Variants in SBF2 observed in about 807,000 individuals in gnomAD.
SBF2 encodes the protein myotubularin-related protein 13.
In SBF2, 112 loss-of-function variants were observed where a neutral mutation model predicts 225.2. The observed-to-expected ratio is 0.50, with a 90% CI of 0.43 to 0.58. The LOEUF is 0.58. Among genes scored for constraint, SBF2 ranks in the 20% least tolerant of loss-of-function variants. The pLI is 0.00. For synonymous variants in SBF2, 763 were observed against 773.3 expected, an observed-to-expected ratio of 0.99 and a Z score of 0.22; for missense variants, 1,996 against 2,206.2, an observed-to-expected ratio of 0.90 and a Z score of 1.91.
At chr11:10,165,251 G>A (rs540806035) in intron 2 of SBF2, 12 of 152,298 alleles carry the variant, frequency 7.9e-5, no homozygotes, top group South Asian at 6.2e-4. Flanking sequence ...GATCCAAAGC[G>A]CTAAGGTGAT....
chr11:9,989,208 T>C (rs916124073), intron 13 of SBF2, among the ~76,000 whole-genome samples: 5 of 152,054 alleles, frequency 3.3e-5, no homozygotes, highest in African/African-American at 1.2e-4. Context: ...AAACCAAACA[T>C]TGTATGTTCT....
chr11:10,102,545 G>T (rs1440446354), intron 2 of SBF2, among the ~76,000 whole-genome samples: 9 of 152,172 alleles, frequency 5.9e-5, no homozygotes, highest in Admixed American at 5.9e-4. Context: ...ATGTAATTTT[G>T]TGTAGTTCAG....
At chr11:9,907,758 G>A (rs12419564) in intron 16 of SBF2, among the ~76,000 whole-genome samples, 31,288 of 152,176 alleles carry the variant, frequency 0.21, 4,127 homozygotes, top group Non-Finnish European at 0.3. Flanking sequence ...CTGGCATATG[G>A]TAATAATTAG....
intron 2 of SBF2, among the ~76,000 whole-genome samples, chr11:10,126,123 C>A (rs564396475): frequency 6.6e-6 from 1 of 152,094 alleles, no homozygotes; most frequent in Admixed American, 6.5e-5. Flanking sequence ...CATTCTGATA[C>A]TTTATATTTT....
At chr11:9,824,328 G>A (rs933945006) in intron 28 of SBF2, among the ~76,000 whole-genome samples, 2 of 152,134 alleles carry the variant, frequency 1.3e-5, no homozygotes, top group African/African-American at 4.8e-5. Context: ...GGAGGCTGAG[G>A]TGGGTGAATC....
intron 6 of SBF2, among the ~76,000 whole-genome samples, chr11:10,004,550 C>T (rs1157216162): frequency 1.5e-5 from 2 of 135,934 alleles, no homozygotes; most frequent in Non-Finnish European, 3.1e-5. Context: ...CCATTTTATT[C>T]CTAAGTAAGA....
chr11:9,896,899 G>T (rs1368554579), intron 16 of SBF2, among the ~76,000 whole-genome samples: 1 of 152,100 alleles, frequency 6.6e-6, no homozygotes, highest in Non-Finnish European at 1.5e-5. Context: ...GAAAGGTCAG[G>T]AAATCTCAGT....
At chr11:10,074,894 ACCCT>A (rs1446760798) in intron 2 of SBF2, among the ~76,000 whole-genome samples, 1 of 152,208 alleles carries the variant, frequency 6.6e-6, no homozygotes, top group Non-Finnish European at 1.5e-5. Context: ...GATTCATTTT[ACCCT>A]CTGTATGTCT....
At chr11:10,012,949 G>C (rs1948513607) in intron 6 of SBF2, among the ~76,000 whole-genome samples, 1 of 152,068 alleles carries the variant, frequency 6.6e-6, no homozygotes. Context: ...TCCATAATTT[G>C]GGCAGAGGTT....
At chr11:10,261,909 A>G (rs1326989655) in intron 1 of SBF2, among the ~76,000 whole-genome samples, 2 of 152,200 alleles carry the variant, frequency 1.3e-5, no homozygotes, top group African/African-American at 4.8e-5. Flanking sequence ...GATGTTCTAG[A>G]ATAGGAAAAA....
At chr11:10,244,444 T>A (rs1289750508) in intron 1 of SBF2, among the ~76,000 whole-genome samples, 1 of 152,262 alleles carries the variant, frequency 6.6e-6, no homozygotes, top group African/African-American at 2.4e-5. Flanking sequence ...GATTTGTTTC[T>A]AGGTACTCTA....
rs185032442 is a variant in SBF2, at chr11:9,833,207, A to G, written c.3456-787T>C. Among the ~76,000 whole-genome samples, 4 of 152,358 alleles carry G rather than the reference A, an allele frequency of 2.6e-5. No individual in the cohort carries two copies. The East Asian group carries it at 7.7e-4, about 29-fold the overall frequency. On this transcript the variant is annotated intron_variant, in intron 26 of 39. Coordinates refer to ENST00000256190, the MANE Select transcript of SBF2 (RefSeq NM_030962.4). ...ATGAGTTTAAATAGTTAATAACACT[A>G]CATGTTGATACTTATTTTAAAAGAT...
At chr11:9,868,637 T>A (rs1858450993) in intron 17 of SBF2, among the ~76,000 whole-genome samples, 1 of 152,210 alleles carries the variant, frequency 6.6e-6, no homozygotes, top group South Asian at 2.1e-4. Flanking sequence ...CATATTACCA[T>A]TAGTTTGTAT....
chr11:9,921,416 C>T (rs1269341886), intron 16 of SBF2, among the ~76,000 whole-genome samples: 1 of 152,162 alleles, frequency 6.6e-6, no homozygotes, highest in East Asian at 1.9e-4. Flanking sequence ...CTAGTTTCTA[C>T]TTAATCAGAA....
intron 16 of SBF2, among the ~76,000 whole-genome samples, chr11:9,922,928 C>T (rs1863747020): frequency 6.6e-6 from 1 of 152,198 alleles, no homozygotes; most frequent in African/African-American, 2.4e-5. Context: ...AGACAACAGT[C>T]AATCTACAAC....
intron 14 of SBF2, among the ~76,000 whole-genome samples, chr11:9,965,518 C>A (rs1202015824): frequency 6.6e-6 from 1 of 152,076 alleles, no homozygotes; most frequent in African/African-American, 2.4e-5. Context: ...GAACTCCCGA[C>A]CTCAGGTGAT....
chr11:9,842,472 T>C lies in SBF2; in HGVS notation c.3256+153A>G, dbSNP rs181805779. 1.2e-3 allele frequency among the ~76,000 whole-genome samples: 185 copies of C among 152,318 alleles called. 1 individual carries two copies. Among genetic ancestry groups the C allele is most frequent in the African/African-American group, 4.2e-3 (173 of 41,578 alleles). On this transcript the variant is annotated intron_variant, in intron 25 of 39. Transcript: ENST00000256190. ...GAACAATGGGATATTGGGAAAATAT[T>C]TTTCCCCCAGTTCTAAGAAGCTGGT...
chr11:10,238,199 A>G (rs1016295857), intron 1 of SBF2, among the ~76,000 whole-genome samples: 2 of 152,168 alleles, frequency 1.3e-5, no homozygotes, highest in African/African-American at 4.8e-5. Context: ...GCTTGAGTCC[A>G]GGAGCTCGAG....
At position 10,028,630 on chromosome 11, in the gene SBF2, G is replaced by C. The variant is rs1183265642; in HGVS notation, c.514-73C>G. On this transcript the variant is annotated intron_variant, in intron 5 of 39. Coordinates refer to ENST00000256190, the MANE Select transcript of SBF2 (RefSeq NM_030962.4). ...TTTTTTAAAAAATAAAAATACCTTC[G>C]ATGTTCATTTTTAGAGCAAACGACC... 33 of 977,870 alleles carry C rather than the reference G, an allele frequency of 3.4e-5. 2 individuals are homozygous for C. The South Asian group carries it at 4.2e-4, about 13-fold the overall frequency. 60.6% of individuals were successfully genotyped at this position (977,870 alleles called of 1,614,324 possible). A position where few individuals can be genotyped will look rare whatever the true frequency, so the allele number is the denominator to read the frequency against.
Sources: gnomAD v4.1 joint callset for allele counts (sites outside exome capture counted in the v4.1 genomes callset) on GRCh38, gnomAD v4.1.1 for gene constraint, MANE v1.5 for transcripts, NCBI Gene and HGNC (gene_info 2026-07-23, HGNC 2026-07-21) for gene names.